SIPA1L2: variants seen among roughly 807,000 people sequenced by gnomAD.
SIPA1L2 encodes the protein signal induced proliferation associated 1 like 2.
In SIPA1L2, 56 loss-of-function variants were observed where a neutral mutation model predicts 163.9. The observed-to-expected ratio is 0.34, with a 90% CI of 0.28 to 0.43. The LOEUF (loss-of-function observed/expected upper bound fraction) is 0.43, where lower values mean the gene tolerates loss of function less well. Ranked by LOEUF, SIPA1L2 falls within the 20% of genes least tolerant of loss-of-function variation. The pLI, the probability that SIPA1L2 is intolerant of heterozygous loss-of-function variation, is 1.00. For missense variants in SIPA1L2, 1,974 were observed against 2,193.5 expected, an observed-to-expected ratio of 0.90 and a Z score of 2.00; for synonymous variants, 877 against 865.7, an observed-to-expected ratio of 1.01 and a Z score of -0.23.
At chr1:232,427,764 T>C (rs1377735975) in intron 17 of SIPA1L2, among the ~76,000 whole-genome samples, 2 of 152,072 alleles carry the variant, frequency 1.3e-5, no homozygotes, top group African/African-American at 4.8e-5. Flanking sequence ...GAACTTGGGG[T>C]TGGTTTATGA....
chr1:232,450,144 T>G (rs1216726078), intron 10 of SIPA1L2, among the ~76,000 whole-genome samples: 1 of 152,210 alleles, frequency 6.6e-6, no homozygotes, highest in Non-Finnish European at 1.5e-5. Flanking sequence ...ATCCTTTATT[T>G]TAACTCTGTT....
intron 2 of SIPA1L2, among the ~76,000 whole-genome samples, chr1:232,541,853 TTA>T (rs1491404756): frequency 1.8e-4 from 8 of 43,594 alleles, no homozygotes; most frequent in African/African-American, 1.1e-3. Context: ...TCCTACAGAT[TTA>T]AAAAAAAAAA....
chr1:232,524,749 T>C (rs1173827841), intron 2 of SIPA1L2, among the ~76,000 whole-genome samples: 1 of 152,064 alleles, frequency 6.6e-6, no homozygotes, highest in African/African-American at 2.4e-5. Context: ...TACAGAAAGG[T>C]TTATATAAGG....
chr1:232,419,107 C>A (rs575940061), intron 18 of SIPA1L2, among the ~76,000 whole-genome samples: 2 of 152,078 alleles, frequency 1.3e-5, no homozygotes, highest in African/African-American at 2.4e-5. Context: ...TTGGGGGAGG[C>A]CTGTCCAAGG....
At chr1:232,471,013 C>T (rs537394919) in intron 8 of SIPA1L2, among the ~76,000 whole-genome samples, 1 of 152,264 alleles carries the variant, frequency 6.6e-6, no homozygotes, top group South Asian at 2.1e-4. Flanking sequence ...TGCAAAGATC[C>T]AAGATCTTTG....
At chr1:232,426,385 G>A (rs1213605906) in intron 17 of SIPA1L2, among the ~76,000 whole-genome samples, 1 of 152,090 alleles carries the variant, frequency 6.6e-6, no homozygotes, top group East Asian at 1.9e-4. Flanking sequence ...TTGTGGCCGG[G>A]CACAGTGGCT....
chr1:232,452,900 C>T (rs1405846195), intron 10 of SIPA1L2, among the ~76,000 whole-genome samples: 3 of 152,160 alleles, frequency 2.0e-5, no homozygotes, highest in Non-Finnish European at 2.9e-5. Context: ...AATATGTAAA[C>T]TTCCTCAACT....
At chr1:232,532,370 A>C (rs1293168215) in intron 2 of SIPA1L2, among the ~76,000 whole-genome samples, 2 of 152,186 alleles carry the variant, frequency 1.3e-5, no homozygotes, top group East Asian at 1.9e-4. Context: ...GTTACGGTTA[A>C]ATAGATCACA....
At chr1:232,567,008 A>G (rs1291360540) in intron 2 of SIPA1L2, among the ~76,000 whole-genome samples, 1 of 152,228 alleles carries the variant, frequency 6.6e-6, no homozygotes, top group Non-Finnish European at 1.5e-5. Flanking sequence ...CAGAAGCAAA[A>G]TAAGACCACA....
chr1:232,459,938 C>T (rs1045448191), intron 10 of SIPA1L2, among the ~76,000 whole-genome samples: 7 of 152,174 alleles, frequency 4.6e-5, no homozygotes, highest in African/African-American at 1.7e-4. Flanking sequence ...ATAATAATCC[C>T]ATCTTACAGA....
chr1:232,541,685 T>C (rs957307820), intron 2 of SIPA1L2, among the ~76,000 whole-genome samples: 11 of 152,120 alleles, frequency 7.2e-5, no homozygotes, highest in Non-Finnish European at 1.3e-4. Context: ...TGCTTTTTAC[T>C]GATATTTAAC....
At chr1:232,511,653 T>C (rs1375689582) in intron 3 of SIPA1L2, among the ~76,000 whole-genome samples, 2 of 152,122 alleles carry the variant, frequency 1.3e-5, no homozygotes, top group East Asian at 3.9e-4. Flanking sequence ...CCTCCTAAGG[T>C]CTGTGTTACC....
intron 4 of SIPA1L2, among the ~76,000 whole-genome samples, chr1:232,492,298 G>C (rs778390586): frequency 1.3e-5 from 2 of 152,156 alleles, no homozygotes; most frequent in Non-Finnish European, 2.9e-5. Flanking sequence ...TAATTAAAAT[G>C]AGCTAAAAGG....
intron 3 of SIPA1L2, among the ~76,000 whole-genome samples, chr1:232,502,772 A>C (rs1374084020): frequency 6.6e-6 from 1 of 152,242 alleles, no homozygotes; most frequent in East Asian, 1.9e-4. Flanking sequence ...GGTTTCACCA[A>C]AGAATACAGT....
At chr1:232,589,634 G>C (rs1311792468) in intron 1 of SIPA1L2, among the ~76,000 whole-genome samples, 3 of 152,168 alleles carry the variant, frequency 2.0e-5, no homozygotes, top group Non-Finnish European at 2.9e-5. Flanking sequence ...AAATAACTCA[G>C]TTGTCAGACA....
In SIPA1L2 at chr1:232,515,124, G is replaced by A. The variant is rs1211146733; in HGVS notation, c.216C>T (p.Pro72=). The A allele has an allele frequency of 6.2e-7, 1 of 1,613,894 alleles. No individual in the cohort carries two copies. Among genetic ancestry groups the A allele is most frequent in the African/African-American group, 1.3e-5 (1 of 75,016 alleles). ...GGPANGTPAV[P]KMGVRARVSE... ...ACACCCTTGCTCTCACACCCATCTT[G>A]GGCACAGCTGGGGTACCATTAGCCG... is the stretch of plus-strand genomic sequence containing the variant. The change falls in exon 3 of 23, where the codon CCC becomes CCT. Residue 72 remains proline, a synonymous_variant. Transcript: ENST00000674635.
chr1:232,616,270 A>T (rs1184553194), intron 1 of SIPA1L2, among the ~76,000 whole-genome samples: 2 of 152,232 alleles, frequency 1.3e-5, no homozygotes, highest in Admixed American at 1.3e-4. Flanking sequence ...AGCATCACAC[A>T]AAGCATCATA....
At chr1:232,547,010 G>A (rs1045303544) in intron 2 of SIPA1L2, among the ~76,000 whole-genome samples, 38 of 152,164 alleles carry the variant, frequency 2.5e-4, no homozygotes. Flanking sequence ...ATGTAAATTA[G>A]TACCTGCCTG....
intron 1 of SIPA1L2, among the ~76,000 whole-genome samples, chr1:232,609,457 CAG>C (rs1288062842): frequency 2.0e-5 from 3 of 152,084 alleles, no homozygotes; most frequent in African/African-American, 7.2e-5. Flanking sequence ...TAAAACAAAA[CAG>C]AGAAACCATT....
Sources: allele counts gnomAD v4.1 joint callset (sites outside exome capture counted in the v4.1 genomes callset), GRCh38; gene constraint gnomAD v4.1.1; transcripts MANE v1.5; gene names NCBI Gene and HGNC (gene_info 2026-07-23, HGNC 2026-07-21).